STIL: variants seen among roughly 807,000 people sequenced by gnomAD.
STIL encodes the protein STIL centriolar assembly protein.
STIL carries 55 observed loss-of-function variants against 110.1 expected under a neutral mutation model. That is an observed-to-expected ratio of 0.50 (90% CI 0.40 to 0.63). The LOEUF (loss-of-function observed/expected upper bound fraction) is 0.63. Among genes scored for constraint, STIL ranks in the 20% least tolerant of loss-of-function variants. The pLI is 0.00. For missense variants in STIL, 1,358 were observed against 1,530.0 expected, an observed-to-expected ratio of 0.89 and a Z score of 1.87; for synonymous variants, 481 against 530.0, an observed-to-expected ratio of 0.91 and a Z score of 1.27.
chr1:47,262,893 A>C lies in STIL; in HGVS notation c.2829+10T>G. ...TTCTCAAAAAGATGAAATGCTCTAC[A>C]TTTTCTTACCAATAAATCCTGGTAA... On this transcript the variant is annotated intron_variant, in intron 15 of 16. Transcript: ENST00000371877. 6.2e-7 allele frequency: 1 copy of C among 1,613,222 alleles called. No homozygotes were observed. The highest frequency in any genetic ancestry group is 8.5e-7 in the Non-Finnish European group (1 of 1,179,174).
intron 1 of STIL, among the ~76,000 whole-genome samples, chr1:47,311,867 T>C (rs1023449423): frequency 1.3e-5 from 2 of 151,468 alleles, no homozygotes; most frequent in African/African-American, 4.9e-5. Context: ...GTCAACATGG[T>C]GAAACCCCGT....
At chr1:47,295,988 A>G (rs1037112798) in intron 6 of STIL, 140 bp from the exon 7 acceptor site, 4 of 645,722 alleles carry the variant, frequency 6.2e-6, no homozygotes, top group Non-Finnish European at 1.1e-5. Flanking sequence ...AAGAAACAGA[A>G]ACTTTTTACT....
At chr1:47,254,532 T>G (rs1316280934) in intron 16 of STIL, among the ~76,000 whole-genome samples, 1 of 151,772 alleles carries the variant, frequency 6.6e-6, no homozygotes, top group Non-Finnish European at 1.5e-5. Context: ...AATTTGGGTT[T>G]TTTTTTTGTT....
chr1:47,308,879 C>A (rs1646042370), intron 2 of STIL, among the ~76,000 whole-genome samples: 2 of 151,962 alleles, frequency 1.3e-5, no homozygotes, highest in African/African-American at 4.8e-5. Flanking sequence ...CATGGTGAAA[C>A]CCCGTCTCTA....
chr1:47,305,233 C>A (rs1645921224), intron 2 of STIL: 1 of 403,952 alleles, frequency 2.5e-6, no homozygotes, highest in Non-Finnish European at 4.5e-6. Context: ...TCAAGCAATT[C>A]CCCTGCCTGA....
intron 16 of STIL, among the ~76,000 whole-genome samples, chr1:47,255,006 C>G (rs1175644682): frequency 1.3e-5 from 2 of 152,042 alleles, no homozygotes; most frequent in African/African-American, 2.4e-5. Flanking sequence ...CAAAACAAAT[C>G]AAGACAGGCA....
Position 47,262,959 on chromosome 1 carries a change from T to C in STIL, c.2773A>G (p.Met925Val). Reference sequence around the variant, plus strand: ...GATGGTTGATGAAGCAAGGGTTGCATTACATGCTCAATTTTTGGTTCCTCT... The same window carrying C: ...GATGGTTGATGAAGCAAGGGTTGCACTACATGCTCAATTTTTGGTTCCTCT... ...TSEEPKIEHVMQPLLHQPSDN... is the reference protein window; with the variant it reads ...TSEEPKIEHVVQPLLHQPSDN... Residue 925 changes from methionine to valine, a missense_variant, in exon 15 of 17, where the codon ATG becomes GTG. Met to Val is a conservative substitution (Grantham distance 21). Transcript: ENST00000371877. 6.2e-7 allele frequency: 1 copy of C among 1,614,166 alleles called. No individual in the cohort carries two copies. Among genetic ancestry groups the C allele is most frequent in the Non-Finnish European group, 8.5e-7 (1 of 1,180,028 alleles).
intron 16 of STIL, among the ~76,000 whole-genome samples, chr1:47,255,672 G>A (rs1644308866): frequency 6.6e-6 from 1 of 151,860 alleles, no homozygotes; most frequent in Non-Finnish European, 1.5e-5. Flanking sequence ...GCAAGGTAAA[G>A]AAGCAACTAG....
In STIL at chr1:47,251,243, GA is replaced by G. The variant is rs995755122; in HGVS notation, c.3759del (p.Pro1254LeufsTer10). The stretch of plus-strand genomic sequence containing the variant: ...GTTTCAGAAGGTTGCAAACTTTCAG[GA>G]AAAATTGTAATGTCCCCTTCATTTT... ...EKENEGDITI[F>X]PESLQPSETL... On this transcript the variant is annotated frameshift_variant, in exon 17 of 17. Transcript: ENST00000371877. LOFTEE classifies it high-confidence loss of function. 1.1e-5 allele frequency: 18 copies of G among 1,611,132 alleles called. No individual in the cohort carries two copies. Among genetic ancestry groups the G allele is most frequent in the Non-Finnish European group, 1.5e-5 (18 of 1,178,348 alleles).
rs1645341014 is a variant in STIL, at chr1:47,287,581, C to T, written c.1103G>A (p.Ser368Asn). ...AATTGAAAAATTCTTGGAAGCCTTA[C>T]TGAAAAACTCTGTTTCTGCATTTTG... Reference protein sequence around the residue: ...ESQNAETEFFSKASKNFSIKR... With the variant: ...ESQNAETEFFNKASKNFSIKR... The change falls in exon 10 of 17, where the codon AGT becomes AAT. Residue 368 changes from serine to asparagine, a missense_variant. Coordinates refer to ENST00000371877, the MANE Select transcript of STIL (RefSeq NM_001048166.1). The T allele has an allele frequency of 6.2e-7, 1 of 1,611,812 alleles. No homozygotes were observed. The highest frequency in any genetic ancestry group is 8.5e-7 in the Non-Finnish European group (1 of 1,179,010).
At position 47,255,341 on chromosome 1, in the gene STIL, G is replaced by A. The variant is rs149279625; in HGVS notation, c.3081-3419C>T. On this transcript the variant is annotated intron_variant, in intron 16 of 16. Coordinates refer to ENST00000371877, the MANE Select transcript of STIL (RefSeq NM_001048166.1). The stretch of plus-strand genomic sequence containing the variant: ...GCCACATGTCAACAATTTATGGGAA[G>A]CTCTAAAATTATTCCAACTCAGATG... 2.0e-3 allele frequency among the ~76,000 whole-genome samples: 305 copies of A among 152,118 alleles called. 1 individual carries two copies. Among genetic ancestry groups the A allele is most frequent in the African/African-American group, 7.1e-3 (294 of 41,508 alleles).
rs1414092826 is a variant in STIL, at chr1:47,260,540, C to T, written c.2830-1G>A. The T allele has an allele frequency of 6.2e-7, 1 of 1,614,030 alleles. No individual in the cohort carries two copies. The highest frequency in any genetic ancestry group is 8.5e-7 in the Non-Finnish European group (1 of 1,179,998). On this transcript the variant is annotated splice_acceptor_variant, in intron 15 of 16. Transcript: ENST00000371877. LOFTEE classifies it high-confidence loss of function. ...TATTTAATAGGTGGTTTACTTGACC[C>T]TGACAAAAAGAAAAAAAATTTTTTT...
intron 6 of STIL, among the ~76,000 whole-genome samples, chr1:47,298,581 T>G (rs192573696): frequency 1.3e-5 from 2 of 151,784 alleles, no homozygotes; most frequent in East Asian, 3.9e-4. Flanking sequence ...ATACTATAAA[T>G]GAATTCTCTA....
intron 8 of STIL, among the ~76,000 whole-genome samples, chr1:47,291,244 C>G (rs1645479549): frequency 6.6e-6 from 1 of 152,018 alleles, no homozygotes; most frequent in African/African-American, 2.4e-5. Flanking sequence ...GCCTGTAATC[C>G]CAGCTACTCA....
chr1:47,260,269 A>G lies in STIL; in HGVS notation c.3080+20T>C. 1 of 1,602,262 alleles carries G rather than the reference A, an allele frequency of 6.2e-7. No homozygotes were observed. The highest frequency in any genetic ancestry group is 8.5e-7 in the Non-Finnish European group (1 of 1,175,796). ...AAAATAAAATTTATTCACTCTTTAA[A>G]ACAAAATTTTAAAAGTTACCTGGCG... is the stretch of plus-strand genomic sequence containing the variant. On this transcript the variant is annotated intron_variant, in intron 16 of 16. Coordinates refer to ENST00000371877, the MANE Select transcript of STIL (RefSeq NM_001048166.1).
chr1:47,295,519 G>GCAGTGAGC (rs1645617164), intron 7 of STIL, among the ~76,000 whole-genome samples: 2 of 151,970 alleles, frequency 1.3e-5, no homozygotes, highest in South Asian at 4.1e-4. Context: ...GATGGAGATT[G>GCAGTGAGC]CAGTGAGCCG....
intron 10 of STIL, among the ~76,000 whole-genome samples, chr1:47,284,859 C>T (rs1473765463): frequency 6.6e-6 from 1 of 151,110 alleles, no homozygotes; most frequent in African/African-American, 2.4e-5. Flanking sequence ...CACTGTACTC[C>T]AGCCTGGGTG....
At position 47,280,641 on chromosome 1, in the gene STIL, C is replaced by T. The variant is rs1045557653; in HGVS notation, c.1817G>A (p.Cys606Tyr). ...ATATTGAATATGACTATGATGCTGA[C>T]AACACCTGCAAACGTTTGTGGAACA... is the stretch of plus-strand genomic sequence containing the variant. ...SYCSTNVCRC[C>Y]QHHSHIQYSP... is the part of the protein sequence containing the mutation. Residue 606 changes from cysteine to tyrosine, a missense_variant, in exon 12 of 17, where the codon TGT becomes TAT. Cys to Tyr is a radical substitution (Grantham distance 194). Transcript: ENST00000371877. The T allele has an allele frequency of 1.2e-6, 2 of 1,614,106 alleles. No homozygotes were observed. Among genetic ancestry groups the T allele is most frequent in the African/African-American group, 1.3e-5 (1 of 74,938 alleles).
At position 47,263,082 on chromosome 1, in the gene STIL, C is replaced by A. The variant is rs1272265520; in HGVS notation, c.2650G>T (p.Val884Leu). ...SSLVVRKEPD[V>L]PVFFPSGQLA... ...TGGCCACTTGGAAAGAACACAGGTA[C>A]ATCAGGTTCTTTTCTCACAACTAGA... The change falls in exon 15 of 17, where the codon GTA (valine) becomes TTA (leucine). Residue 884 changes from valine to leucine, a missense_variant. Physicochemically the swap from Val to Leu is conservative, Grantham distance 32. Coordinates refer to ENST00000371877, the MANE Select transcript of STIL (RefSeq NM_001048166.1). 1 of 1,614,168 alleles carries A rather than the reference C, an allele frequency of 6.2e-7. No homozygotes were observed. The highest frequency in any genetic ancestry group is 1.1e-5 in the South Asian group (1 of 91,084).
Sources: allele counts gnomAD v4.1 joint callset (sites outside exome capture counted in the v4.1 genomes callset), GRCh38; gene constraint gnomAD v4.1.1; transcripts MANE v1.5; gene names NCBI Gene and HGNC (gene_info 2026-07-23, HGNC 2026-07-21).